Variants in PPP6R3 observed in about 807,000 individuals in gnomAD.
The protein encoded by PPP6R3 is protein phosphatase 6 regulatory subunit 3, also known as serine/threonine-protein phosphatase 6 regulatory subunit 3.
Under a neutral mutation model 110.7 loss-of-function variants are expected in PPP6R3, and 38 were observed. The observed-to-expected ratio is 0.34, with a 90% CI of 0.26 to 0.45. The LOEUF is 0.45. Among genes scored for constraint, PPP6R3 ranks in the 20% least tolerant of loss-of-function variants. The pLI, the probability that PPP6R3 is intolerant of heterozygous loss-of-function variation, is 1.00. For missense variants in PPP6R3, 870 were observed against 1,062.4 expected, an observed-to-expected ratio of 0.82 and a Z score of 2.52; for synonymous variants, 369 against 373.5, an observed-to-expected ratio of 0.99 and a Z score of 0.14.
chr11:68,577,665 A>T (rs1435596866), intron 14 of PPP6R3, among the ~76,000 whole-genome samples: 1 of 152,220 alleles, frequency 6.6e-6, no homozygotes, highest in Non-Finnish European at 1.5e-5. Flanking sequence ...CTGTCAGCAG[A>T]TCTGCTCTGG....
intron 4 of PPP6R3, among the ~76,000 whole-genome samples, chr11:68,546,342 T>C (rs911909416): frequency 2.6e-5 from 4 of 152,184 alleles, no homozygotes; most frequent in African/African-American, 9.7e-5. Context: ...TATCCAGACA[T>C]TATGCTTCAT....
Position 68,597,068 on chromosome 11 carries a change from G to A in PPP6R3, c.2038+850G>A, listed in dbSNP as rs140767423. On this transcript the variant is annotated intron_variant, in intron 19 of 23. Coordinates refer to ENST00000393800, the MANE Select transcript of PPP6R3 (RefSeq NM_001164161.2). ...GAGGAGGAAGTGGACTTTTCTGTCC[G>A]TAATTCAGTTTCAGTCAACATGCCT... Among the ~76,000 whole-genome samples the A allele has an allele frequency of 1.4e-3, 217 of 152,338 alleles. 1 individual carries two copies. The highest frequency in any genetic ancestry group is 4.9e-3 in the African/African-American group (202 of 41,582).
chr11:68,503,486 C>T (rs181111837), intron 1 of PPP6R3, among the ~76,000 whole-genome samples: 2 of 152,298 alleles, frequency 1.3e-5, no homozygotes. Context: ...GAGCAGCCCT[C>T]CAACTAGGGA....
chr11:68,550,559 C>T (rs2153695111), intron 5 of PPP6R3, among the ~76,000 whole-genome samples: 1 of 152,280 alleles, frequency 6.6e-6, no homozygotes, highest in African/African-American at 2.4e-5. Flanking sequence ...AGGAGATGGC[C>T]ATAGCTCTTT....
chr11:68,604,259 G>GA (rs1225965323), intron 22 of PPP6R3, among the ~76,000 whole-genome samples: 1 of 152,226 alleles, frequency 6.6e-6, no homozygotes, highest in Admixed American at 6.5e-5. Flanking sequence ...TCATGACCAA[G>GA]GATATGTGCT....
At chr11:68,480,109 C>T (rs2098894235) in intron 1 of PPP6R3, among the ~76,000 whole-genome samples, 1 of 151,720 alleles carries the variant, frequency 6.6e-6, no homozygotes. Flanking sequence ...TTTCAGTTGT[C>T]TCTTTCTAGT....
chr11:68,596,154 G>C lies in PPP6R3; in HGVS notation c.1974G>C (p.Lys658Asn). The C allele has an allele frequency of 6.2e-7, 1 of 1,614,220 alleles. No homozygotes were observed. Among genetic ancestry groups the C allele is most frequent in the Non-Finnish European group, 8.5e-7 (1 of 1,180,028 alleles). ...STDSEEEDGAKQDLFEPSSAN... is the reference protein window; with the variant it reads ...STDSEEEDGANQDLFEPSSAN... ...ACTCTGAAGAAGAAGATGGAGCAAA[G>C]CAAGACTTGTTTGAACCCAGCAGTG... is the stretch of plus-strand genomic sequence containing the variant. The change falls in exon 19 of 24, where the codon AAG becomes AAC. Residue 658 changes from lysine to asparagine, a missense_variant. By Grantham distance (94) the Lys-to-Asn change is moderately conservative. Transcript: ENST00000393800.
intron 1 of PPP6R3, among the ~76,000 whole-genome samples, chr11:68,468,329 T>C (rs142915145): frequency 1.5e-4 from 23 of 152,374 alleles, no homozygotes; most frequent in African/African-American, 5.5e-4. Context: ...TTCTTTTTTG[T>C]TGACATAGAG....
chr11:68,582,960 A>C, intron 14 of PPP6R3, 83 bp from the exon 15 acceptor site: 1 of 1,047,552 alleles, frequency 9.5e-7, no homozygotes, highest in South Asian at 1.5e-5. Context: ...AAAAAACTAA[A>C]TGTGATTTTT....
chr11:68,498,420 A>G (rs2099030782), intron 1 of PPP6R3, among the ~76,000 whole-genome samples: 1 of 152,186 alleles, frequency 6.6e-6, no homozygotes, highest in Non-Finnish European at 1.5e-5. Flanking sequence ...TCACAATAGA[A>G]ATACGGAAAA....
At chr11:68,482,443 A>C (rs867318045) in intron 1 of PPP6R3, among the ~76,000 whole-genome samples, 1 of 151,332 alleles carries the variant, frequency 6.6e-6, no homozygotes, top group South Asian at 2.1e-4. Flanking sequence ...TCTCTTTCCC[A>C]TAGAAAATGA....
At chr11:68,557,903 A>G (rs991115883) in intron 7 of PPP6R3, among the ~76,000 whole-genome samples, 6 of 152,242 alleles carry the variant, frequency 3.9e-5, no homozygotes, top group African/African-American at 1.2e-4. Context: ...TATAAATTCA[A>G]TGAACTGGTT....
At chr11:68,489,484 T>A (rs953390496) in intron 1 of PPP6R3, among the ~76,000 whole-genome samples, 2 of 152,076 alleles carry the variant, frequency 1.3e-5, no homozygotes, top group African/African-American at 4.8e-5. Flanking sequence ...ACAGAGGTAG[T>A]GCACATACAG....
intron 14 of PPP6R3, among the ~76,000 whole-genome samples, chr11:68,579,414 T>C (rs992246947): frequency 3.9e-5 from 6 of 152,236 alleles, no homozygotes; most frequent in African/African-American, 1.4e-4. Flanking sequence ...TCTCCGAAAC[T>C]GTGTGCACTA....
intron 1 of PPP6R3, among the ~76,000 whole-genome samples, chr11:68,517,432 T>A (rs1161184163): frequency 6.6e-6 from 1 of 152,190 alleles, no homozygotes; most frequent in Admixed American, 6.5e-5. Context: ...TCTAAGACCT[T>A]CATTTTAAAT....
chr11:68,462,513 C>G lies in PPP6R3; in HGVS notation c.-158+1686C>G, dbSNP rs557467579. On this transcript the variant is annotated intron_variant, in intron 1 of 23. Transcript: ENST00000393800. ...GATACTAGTTTCTGGGTGACTGCCA[C>G]CCGAATCAGTAACTAGGGTTTCTTA... is the stretch of plus-strand genomic sequence containing the variant. Among the ~76,000 whole-genome samples, 3 of 149,306 alleles carry G rather than the reference C, an allele frequency of 2.0e-5. No homozygotes were observed. The South Asian group carries it at 6.3e-4, about 31-fold the overall frequency.
chr11:68,565,467 G>A (rs1231614837), intron 9 of PPP6R3, among the ~76,000 whole-genome samples: 1 of 151,978 alleles, frequency 6.6e-6, no homozygotes, highest in Non-Finnish European at 1.5e-5. Context: ...GACAATGATG[G>A]TCAGTGGCAT....
intron 1 of PPP6R3, among the ~76,000 whole-genome samples, chr11:68,495,245 C>T (rs947041897): frequency 2.6e-5 from 4 of 152,198 alleles, no homozygotes; most frequent in Admixed American, 6.5e-5. Flanking sequence ...TGTGTGAATA[C>T]ATTTGGTAAA....
chr11:68,494,170 A>T (rs972661298), intron 1 of PPP6R3, among the ~76,000 whole-genome samples: 9 of 151,668 alleles, frequency 5.9e-5, no homozygotes, highest in Admixed American at 6.6e-5. Context: ...GAAAGGATGA[A>T]TGCTTGATGT....
Sources: gnomAD v4.1 joint callset for allele counts (sites outside exome capture counted in the v4.1 genomes callset) on GRCh38, gnomAD v4.1.1 for gene constraint, MANE v1.5 for transcripts, NCBI Gene and HGNC (gene_info 2026-07-23, HGNC 2026-07-21) for gene names.